C11orf65: variants seen among roughly 807,000 people sequenced by gnomAD.
The protein encoded by C11orf65 is protein MFI.
A neutral mutation model predicts 35.3 loss-of-function variants in C11orf65; 38 were observed. That is an observed-to-expected ratio of 1.08 (90% CI 0.83 to 1.41). The LOEUF (loss-of-function observed/expected upper bound fraction) is 1.41, where lower values mean the gene tolerates loss of function less well. Ranked by LOEUF, C11orf65 falls within the 40% of genes most tolerant of loss-of-function variation. C11orf65 has a pLI of 0.00. For missense variants in C11orf65, 370 were observed against 367.1 expected (o/e 1.01, Z -0.06); for synonymous variants, 105 against 114.4 (o/e 0.92, Z 0.53).
At chr11:108,408,880 A>T (rs1279290739) in intron 3 of C11orf65, among the ~76,000 whole-genome samples, 1 of 152,086 alleles carries the variant, frequency 6.6e-6, no homozygotes, top group East Asian at 1.9e-4. Context: ...CAGAAAATAG[A>T]TGTTATTCAA....
chr11:108,432,120 C>A (rs1027596072), intron 2 of C11orf65, among the ~76,000 whole-genome samples: 3 of 152,100 alleles, frequency 2.0e-5, no homozygotes, highest in African/African-American at 7.2e-5. Context: ...GTGTACTCTC[C>A]AGAGTAATCT....
At chr11:108,410,354 G>A (rs972611955) in intron 3 of C11orf65, among the ~76,000 whole-genome samples, 10 of 152,092 alleles carry the variant, frequency 6.6e-5, no homozygotes, top group Admixed American at 6.6e-5. Context: ...AGTCATGCTA[G>A]TAGTTTATCA....
intron 3 of C11orf65, among the ~76,000 whole-genome samples, chr11:108,427,468 C>T (rs544947924): frequency 6.5e-4 from 98 of 150,634 alleles, no homozygotes; most frequent in African/African-American, 2.2e-3. Flanking sequence ...GCCTGTAATC[C>T]CAGCACTTTG....
chr11:108,329,286 AGT>A (rs761467571), downstream of C11orf65: 26 of 1,502,908 alleles, frequency 1.7e-5, no homozygotes, highest in Non-Finnish European at 2.3e-5. Flanking sequence ...CAGTTAACTG[AGT>A]GAGTGTTTTT....
intron 6 of C11orf65, among the ~76,000 whole-genome samples, chr11:108,310,766 GATTT>G (rs1485105778): frequency 6.6e-6 from 1 of 152,068 alleles, no homozygotes; most frequent in Non-Finnish European, 1.5e-5. Flanking sequence ...TAATGTGACT[GATTT>G]ATTTCTGTGA....
intron 3 of C11orf65, among the ~76,000 whole-genome samples, chr11:108,421,623 A>C (rs145177248): frequency 0.011 from 1,733 of 152,218 alleles, 33 homozygotes; most frequent in African/African-American, 0.039. Context: ...GTGCCACTGC[A>C]CTCCAGTCTG....
chr11:108,456,814 G>A (rs2093415871), intron 2 of C11orf65, among the ~76,000 whole-genome samples: 1 of 144,538 alleles, frequency 6.9e-6, no homozygotes. Flanking sequence ...AGGAAAGAAG[G>A]AAAGAAAGAG....
chr11:108,422,075 G>T (rs568829485), intron 3 of C11orf65, among the ~76,000 whole-genome samples: 1 of 152,170 alleles, frequency 6.6e-6, no homozygotes, highest in East Asian at 1.9e-4. Flanking sequence ...GACTACAGGC[G>T]CATGCCACCA....
intron 6 of C11orf65, chr11:108,317,576 C>CA: frequency 2.1e-6 from 3 of 1,456,342 alleles, no homozygotes; most frequent in Non-Finnish European, 2.8e-6. Context: ...TTCTAAACAA[C>CA]AACTGTTTTT....
intron 6 of C11orf65, among the ~76,000 whole-genome samples, chr11:108,323,268 A>G (rs923056247): frequency 1.1e-4 from 16 of 152,324 alleles, no homozygotes; most frequent in African/African-American, 3.8e-4. Context: ...TTTCATTCAT[A>G]AGTACATTGG....
chr11:108,399,060 AC>A (rs1467011451), intron 6 of C11orf65, among the ~76,000 whole-genome samples: 4 of 152,070 alleles, frequency 2.6e-5, no homozygotes, highest in African/African-American at 9.7e-5. Flanking sequence ...GAGGGGGAAG[AC>A]CAAGTTGTTG....
intron 7 of C11orf65, among the ~76,000 whole-genome samples, chr11:108,390,408 C>G (rs2092130075): frequency 6.6e-6 from 1 of 152,114 alleles, no homozygotes; most frequent in South Asian, 2.1e-4. Flanking sequence ...TTATGTGGAC[C>G]GAGATGCCTA....
Position 108,466,568 on chromosome 11 carries a change from T to G in C11orf65, c.-10+903A>C, listed in dbSNP as rs564799405. On this transcript the variant is annotated intron_variant, in intron 1 of 8. Coordinates refer to ENST00000393084, the MANE Select transcript of C11orf65 (RefSeq NM_152587.5). ...AGCCTGGGCAACACAGCGAGATGCC[T>G]TCTCAAAAACAAACAACAACAAAAA... 3.0e-4 allele frequency among the ~76,000 whole-genome samples: 46 copies of G among 152,272 alleles called. 1 individual carries two copies. In the South Asian group the frequency reaches 9.3e-3, roughly 31 times the overall value.
downstream of C11orf65, among the ~76,000 whole-genome samples, chr11:108,381,910 T>G (rs143522935): frequency 1.7e-3 from 257 of 150,168 alleles, no homozygotes; most frequent in African/African-American, 6.0e-3. Context: ...GACTAGTTCT[T>G]AAAAGGCATT....
chr11:108,360,142 C>G (rs2090538616), intron 2 of C11orf65, among the ~76,000 whole-genome samples: 2 of 150,804 alleles, frequency 1.3e-5, no homozygotes, highest in Admixed American at 1.3e-4. Flanking sequence ...GAAATACAAA[C>G]TACCATCAGA....
intron 2 of C11orf65, among the ~76,000 whole-genome samples, chr11:108,345,450 T>C (rs1170021684): frequency 6.6e-6 from 1 of 152,208 alleles, no homozygotes; most frequent in Non-Finnish European, 1.5e-5. Flanking sequence ...TACTTAGGCA[T>C]TTCTGTGTTT....
intron 2 of C11orf65, among the ~76,000 whole-genome samples, chr11:108,335,452 C>G (rs909274801): frequency 6.6e-6 from 1 of 152,080 alleles, no homozygotes; most frequent in African/African-American, 2.4e-5. Flanking sequence ...CATCAGTATA[C>G]CGGGTCTCGT....
At chr11:108,347,194 TCAGTGGTCTTAATTGA>T in intron 2 of C11orf65, 1 of 1,027,042 alleles carries the variant, frequency 9.7e-7, no homozygotes, top group Non-Finnish European at 1.5e-6. Context: ...TTATACCAAG[TCAGTGGTCTTAATTGA>T]AATTATGGCT....
At chr11:108,457,457 G>T (rs2093422010) in intron 2 of C11orf65, among the ~76,000 whole-genome samples, 1 of 151,972 alleles carries the variant, frequency 6.6e-6, no homozygotes, top group Non-Finnish European at 1.5e-5. Flanking sequence ...GCCTGGCCAA[G>T]ATGGTGAAAC....
Sources: gnomAD v4.1 joint callset for allele counts (sites outside exome capture counted in the v4.1 genomes callset) on GRCh38, gnomAD v4.1.1 for gene constraint, MANE v1.5 for transcripts, NCBI Gene and HGNC (gene_info 2026-07-23, HGNC 2026-07-21) for gene names.